DAB1: variants seen among roughly 807,000 people sequenced by gnomAD.
DAB1 encodes the protein disabled homolog 1.
DAB1 carries 15 observed loss-of-function variants against 64.6 expected under a neutral mutation model. That is an observed-to-expected ratio of 0.23 (90% CI 0.16 to 0.36). The LOEUF (loss-of-function observed/expected upper bound fraction) is 0.36. Among genes scored for constraint, DAB1 ranks in the 10% least tolerant of loss-of-function variants. The probability of loss-of-function intolerance (pLI) is 1.00; values close to 1 mark genes in which losing one functional copy is unlikely to be tolerated. For synonymous variants in DAB1, 235 were observed against 251.9 expected, an observed-to-expected ratio of 0.93 and a Z score of 0.64; for missense variants, 596 against 706.7, an observed-to-expected ratio of 0.84 and a Z score of 1.78.
chr1:57,377,712 G>C (rs1356953965), intron 1 of DAB1, among the ~76,000 whole-genome samples: 2 of 152,138 alleles, frequency 1.3e-5, no homozygotes, highest in Non-Finnish European at 2.9e-5. Flanking sequence ...GCCCCAGCAA[G>C]ACACAGATGG....
At chr1:57,469,746 AAGGCC>A (rs985292554) in intron 7 of DAB1, among the ~76,000 whole-genome samples, 1 of 152,174 alleles carries the variant, frequency 6.6e-6, no homozygotes, top group Non-Finnish European at 1.5e-5. Flanking sequence ...TTCTACCAGG[AAGGCC>A]AGAACTTTTC....
chr1:57,245,425 T>TC (rs1236834242), intron 2 of DAB1, among the ~76,000 whole-genome samples: 1 of 152,046 alleles, frequency 6.6e-6, no homozygotes, highest in African/African-American at 2.4e-5. Context: ...ATGCTATCCC[T>TC]CCCCCAGGCC....
intron 4 of DAB1, among the ~76,000 whole-genome samples, chr1:58,225,368 T>G (rs946873153): frequency 8.5e-5 from 13 of 152,262 alleles, no homozygotes; most frequent in African/African-American, 2.9e-4. Flanking sequence ...TTGGTGGGAC[T>G]GTAAACTAGT....
At chr1:57,238,179 C>G (rs1355561165) in intron 2 of DAB1, among the ~76,000 whole-genome samples, 3 of 152,196 alleles carry the variant, frequency 2.0e-5, no homozygotes, top group African/African-American at 7.2e-5. Context: ...CCAGCAGTAT[C>G]AGCATCCCCT....
chr1:57,628,080 CA>C (rs1645944666), intron 7 of DAB1, among the ~76,000 whole-genome samples: 1 of 152,140 alleles, frequency 6.6e-6, no homozygotes, highest in African/African-American at 2.4e-5. Context: ...AAAGAACACC[CA>C]ATTTGGGTTG....
chr1:58,429,606 A>G (rs1292014694), intron 3 of DAB1, among the ~76,000 whole-genome samples: 2 of 152,174 alleles, frequency 1.3e-5, no homozygotes, highest in African/African-American at 2.4e-5. Flanking sequence ...GGCAGCCAAG[A>G]AAGGGCTTCC....
intron 1 of DAB1, among the ~76,000 whole-genome samples, chr1:57,337,283 A>T (rs1677159270): frequency 6.6e-6 from 1 of 152,178 alleles, no homozygotes; most frequent in African/African-American, 2.4e-5. Context: ...AAAGCTCTCT[A>T]TGAACTTCCC....
At chr1:57,058,606 T>C (rs777464548) in intron 9 of DAB1, among the ~76,000 whole-genome samples, 1 of 152,134 alleles carries the variant, frequency 6.6e-6, no homozygotes, top group African/African-American at 2.4e-5. Context: ...CAACAAAACA[T>C]TTAGTAAGTG....
intron 5 of DAB1, 87 bp downstream of exon 5, chr1:57,072,196 G>A: frequency 7.1e-7 from 1 of 1,418,278 alleles, no homozygotes; most frequent in East Asian, 2.3e-5. Context: ...TCATATCTGA[G>A]AGTGGGCCCT....
At chr1:58,358,418 GA>G (rs532649468) in intron 3 of DAB1, among the ~76,000 whole-genome samples, 1 of 152,016 alleles carries the variant, frequency 6.6e-6, no homozygotes, top group Non-Finnish European at 1.5e-5. Context: ...ACAGGAGGGA[GA>G]AAAAAAGCAC....
intron 1 of DAB1, among the ~76,000 whole-genome samples, chr1:57,845,120 A>T (rs1653222214): frequency 6.6e-6 from 1 of 152,182 alleles, no homozygotes; most frequent in Non-Finnish European, 1.5e-5. Context: ...TCCCAGTCTC[A>T]TTCATGATAT....
intron 5 of DAB1, among the ~76,000 whole-genome samples, chr1:58,043,062 GC>G (rs1647162580): frequency 1.3e-5 from 2 of 152,196 alleles, no homozygotes; most frequent in Admixed American, 6.5e-5. Flanking sequence ...GGAAATACAT[GC>G]AGATCAAATG....
chr1:58,403,049 C>T lies in DAB1; in HGVS notation n.258-59646G>A, dbSNP rs141074379. ...CTGCTAAACCAGTCGATCTCCTTAA[C>T]AAAAACAGGGAATTTCGACCTCAGA... On this transcript the variant is annotated intron_variant and non_coding_transcript_variant, in intron 3 of 20. Coordinates refer to the DAB1 transcript ENST00000485760. Among the ~76,000 whole-genome samples the T allele has an allele frequency of 3.3e-3, 501 of 152,266 alleles. 6 individuals carry two copies. Among genetic ancestry groups the T allele is most frequent in the Middle Eastern group, 0.014 (4 of 294 alleles).
chr1:58,387,341 G>C (rs943291328), intron 3 of DAB1, among the ~76,000 whole-genome samples: 1 of 152,204 alleles, frequency 6.6e-6, no homozygotes, highest in Non-Finnish European at 1.5e-5. Flanking sequence ...GAAATCACAG[G>C]AGGATGATTA....
At chr1:58,386,047 G>C (rs1313643984) in intron 3 of DAB1, among the ~76,000 whole-genome samples, 3 of 152,150 alleles carry the variant, frequency 2.0e-5, no homozygotes, top group Non-Finnish European at 4.4e-5. Flanking sequence ...ACCTATCTAA[G>C]AGCGTTTTCG....
At chr1:57,152,196 C>G (rs752581579) in intron 2 of DAB1, among the ~76,000 whole-genome samples, 1 of 152,150 alleles carries the variant, frequency 6.6e-6, no homozygotes, top group Non-Finnish European at 1.5e-5. Context: ...GTGAGCATAC[C>G]TCTGGCAGGT....
chr1:57,460,883 A>C (rs1175073318), intron 7 of DAB1, among the ~76,000 whole-genome samples: 5 of 152,094 alleles, frequency 3.3e-5, no homozygotes, highest in Non-Finnish European at 5.9e-5. Flanking sequence ...AATGTACCTT[A>C]TCTGATTTTT....
At chr1:57,572,795 C>T (rs562984915) in intron 7 of DAB1, among the ~76,000 whole-genome samples, 12 of 152,194 alleles carry the variant, frequency 7.9e-5, no homozygotes, top group Admixed American at 5.2e-4. Context: ...CTAGGGAGGC[C>T]TCAGGAGGCT....
chr1:57,502,532 C>G (rs555412559), intron 7 of DAB1, among the ~76,000 whole-genome samples: 1 of 152,046 alleles, frequency 6.6e-6, no homozygotes, highest in Non-Finnish European at 1.5e-5. Context: ...TATATCTCTC[C>G]GAATAGAATG....
Sources: allele counts gnomAD v4.1 joint callset (sites outside exome capture counted in the v4.1 genomes callset), GRCh38; gene constraint gnomAD v4.1.1; transcripts MANE v1.5; gene names NCBI Gene and HGNC (gene_info 2026-07-23, HGNC 2026-07-21).